Variants in RGS6 observed in about 807,000 individuals in gnomAD.
The protein encoded by RGS6 is regulator of G-protein signaling 6.
In RGS6, 30 loss-of-function variants were observed where a neutral mutation model predicts 78.5. The ratio of observed to expected loss-of-function variants is 0.38; its 90% confidence interval spans 0.29 to 0.52. The LOEUF (loss-of-function observed/expected upper bound fraction) is 0.52, where lower values mean the gene tolerates loss of function less well. Ranked by LOEUF, RGS6 falls within the 20% of genes least tolerant of loss-of-function variation. The pLI is 0.85. For synonymous variants in RGS6, 206 were observed against 206.0 expected (o/e 1.00, Z 0.00); for missense variants, 495 against 609.7 (o/e 0.81, Z 1.98).
At chr14:72,622,364 T>TA in the RGS6 span, among the ~76,000 whole-genome samples, 4 of 152,134 alleles carry the variant, frequency 2.6e-5, no homozygotes, top group African/African-American at 9.7e-5. Context: ...CACTGTAGTT[T>TA]ACGCCAAAAC....
intron 12 of RGS6, among the ~76,000 whole-genome samples, chr14:72,493,671 A>G (rs567042587): frequency 1.3e-5 from 2 of 152,308 alleles, no homozygotes; most frequent in South Asian, 4.1e-4. Flanking sequence ...CTCTAGCAAT[A>G]AAGAGATGAT....
At chr14:72,163,711 C>T (rs1400822345) in intron 2 of RGS6, among the ~76,000 whole-genome samples, 1 of 152,032 alleles carries the variant, frequency 6.6e-6, no homozygotes, top group Non-Finnish European at 1.5e-5. Context: ...GGTGAAACCC[C>T]ATCTCCACTA....
At chr14:72,583,566 T>G in the RGS6 span, among the ~76,000 whole-genome samples, 4 of 152,172 alleles carry the variant, frequency 2.6e-5, no homozygotes, top group Admixed American at 2.6e-4. Context: ...AACACAGTCT[T>G]CTGAGCTGGT....
At chr14:72,234,310 A>G (rs1467066470) in intron 2 of RGS6, among the ~76,000 whole-genome samples, 1 of 152,024 alleles carries the variant, frequency 6.6e-6, no homozygotes, top group Non-Finnish European at 1.5e-5. Flanking sequence ...TCTGATTTGC[A>G]TAACCAGAGG....
At chr14:72,613,681 T>C in the RGS6 span, among the ~76,000 whole-genome samples, 1 of 152,144 alleles carries the variant, frequency 6.6e-6, no homozygotes, top group Non-Finnish European at 1.5e-5. Flanking sequence ...CACTTCCAAA[T>C]CTTTCCCCTC....
chr14:72,420,470 T>C (rs1232903259), intron 3 of RGS6, among the ~76,000 whole-genome samples: 1 of 152,238 alleles, frequency 6.6e-6, no homozygotes, highest in African/African-American at 2.4e-5. Context: ...CCAGTCATCA[T>C]TGCTGCATAA....
rs7141688 is a variant in RGS6 at position 72,058,703 on chromosome 14, A to G, written c.84+93828A>G. ...TTTCCCAGTCATGGCTGGAGGCACA[A>G]CTTTGTCTGAGACCTGACTGATACT... is the stretch of plus-strand genomic sequence containing the variant. On this transcript the variant is annotated intron_variant, in intron 2 of 17. Coordinates refer to ENST00000553525, the MANE Select transcript of RGS6 (RefSeq NM_001204424.2). Among the ~76,000 whole-genome samples the G allele has an allele frequency of 1.3e-3, 194 of 152,284 alleles. 2 individuals are homozygous for G. The highest frequency in any genetic ancestry group is 4.5e-3 in the African/African-American group (185 of 41,560).
intron 7 of RGS6, among the ~76,000 whole-genome samples, chr14:72,468,025 C>G (rs1490302259): frequency 6.6e-6 from 1 of 152,180 alleles, no homozygotes; most frequent in East Asian, 1.9e-4. Flanking sequence ...AGAAATCAGA[C>G]AGCATCAACT....
the RGS6 span, among the ~76,000 whole-genome samples, chr14:72,626,578 C>T: frequency 6.6e-6 from 1 of 152,128 alleles, no homozygotes; most frequent in African/African-American, 2.4e-5. Context: ...TCAACAACTA[C>T]TCTTCCATAT....
At chr14:71,965,244 T>C (rs898152964) in intron 2 of RGS6, among the ~76,000 whole-genome samples, 6 of 152,138 alleles carry the variant, frequency 3.9e-5, no homozygotes, top group Non-Finnish European at 8.8e-5. Flanking sequence ...GATAGAGAGG[T>C]ATATTTGTAT....
At chr14:72,218,607 T>TCTTA (rs1245116992) in intron 2 of RGS6, among the ~76,000 whole-genome samples, 1 of 151,610 alleles carries the variant, frequency 6.6e-6, no homozygotes, top group African/African-American at 2.4e-5. Context: ...TTTAAATACA[T>TCTTA]CTTATTTATT....
intron 2 of RGS6, among the ~76,000 whole-genome samples, chr14:72,291,694 A>G (rs1291199880): frequency 6.6e-6 from 1 of 152,218 alleles, no homozygotes; most frequent in East Asian, 1.9e-4. Flanking sequence ...AAAGATGGAA[A>G]GGACAAGCCT....
At chr14:72,600,529 G>A in the RGS6 span, among the ~76,000 whole-genome samples, 1 of 151,634 alleles carries the variant, frequency 6.6e-6, no homozygotes, top group Non-Finnish European at 1.5e-5. Flanking sequence ...AAGCTTTGGG[G>A]GTGTCATAGA....
chr14:72,363,716 A>G (rs2081938569), intron 3 of RGS6, among the ~76,000 whole-genome samples: 1 of 152,202 alleles, frequency 6.6e-6, no homozygotes, highest in Admixed American at 6.5e-5. Flanking sequence ...TTATAGTAAA[A>G]GATTTTTATT....
chr14:72,314,530 G>A lies in RGS6; in HGVS notation c.85-37565G>A, dbSNP rs191676371. ...AGAAGGTGAGTGTTTAGCTTTTCCC[G>A]CCTTTTTCCTGGTTGGGGGAGACAG... is the stretch of plus-strand genomic sequence containing the variant. On this transcript the variant is annotated intron_variant, in intron 2 of 17. Coordinates refer to ENST00000553525, the MANE Select transcript of RGS6 (RefSeq NM_001204424.2). 3.2e-4 allele frequency among the ~76,000 whole-genome samples: 48 copies of A among 151,256 alleles called. 1 individual carries two copies. The East Asian group carries it at 6.9e-3, about 22-fold the overall frequency.
intron 3 of RGS6, among the ~76,000 whole-genome samples, chr14:72,415,535 C>T (rs1469005306): frequency 6.6e-6 from 1 of 152,230 alleles, no homozygotes; most frequent in Non-Finnish European, 1.5e-5. Flanking sequence ...CGGTGCGCTG[C>T]ACCCACTGTC....
the RGS6 span, among the ~76,000 whole-genome samples, chr14:71,881,615 C>A: frequency 1.3e-4 from 20 of 152,304 alleles, no homozygotes; most frequent in African/African-American, 3.4e-4. Flanking sequence ...GTGAGACGTG[C>A]CTTTCACCTT....
At chr14:72,469,060 G>A (rs1469744366) in intron 7 of RGS6, among the ~76,000 whole-genome samples, 1 of 152,034 alleles carries the variant, frequency 6.6e-6, no homozygotes, top group Non-Finnish European at 1.5e-5. Flanking sequence ...CCTCCTCGCC[G>A]CCCATCCTCA....
At chr14:72,274,843 G>T (rs1168235160) in intron 2 of RGS6, among the ~76,000 whole-genome samples, 1 of 152,204 alleles carries the variant, frequency 6.6e-6, no homozygotes, top group African/African-American at 2.4e-5. Context: ...ACCTCCAAAA[G>T]TATAAAATAA....
Sources: gnomAD v4.1 joint callset for allele counts (sites outside exome capture counted in the v4.1 genomes callset) on GRCh38, gnomAD v4.1.1 for gene constraint, MANE v1.5 for transcripts, NCBI Gene and HGNC (gene_info 2026-07-23, HGNC 2026-07-21) for gene names.